Variants in RGPD8 observed in about 807,000 individuals in gnomAD.
The protein encoded by RGPD8 is RANBP2 like and GRIP domain containing 8, also known as RANBP2-like and GRIP domain-containing protein 8.
A neutral mutation model predicts 89.1 loss-of-function variants in RGPD8; 15 were observed. That is an observed-to-expected ratio of 0.17 (90% confidence interval 0.11 to 0.26). RGPD8 has a LOEUF of 0.26. Among genes scored for constraint, RGPD8 ranks in the 10% least tolerant of loss-of-function variants. The pLI is 1.00. For missense variants in RGPD8, 178 were observed against 1,179.6 expected, an observed-to-expected ratio of 0.15 and a Z score of 12.44; for synonymous variants, 62 against 420.9, an observed-to-expected ratio of 0.15 and a Z score of 10.44.
intron 4 of RGPD8, among the ~76,000 whole-genome samples, chr2:112,420,118 C>T (rs1289817798): frequency 1.4e-5 from 2 of 139,380 alleles, no homozygotes; most frequent in Admixed American, 7.7e-5. Context: ...TGCAGTGAGC[C>T]GAGGTAGCAC....
chr2:112,431,795 T>C (rs1341285553), intron 1 of RGPD8, among the ~76,000 whole-genome samples: 1 of 152,094 alleles, frequency 6.6e-6, no homozygotes, highest in African/African-American at 2.4e-5. Flanking sequence ...CGCCACCACG[T>C]CCGGCTAACT....
intron 1 of RGPD8, among the ~76,000 whole-genome samples, chr2:112,432,278 T>C (rs936339904): frequency 4.6e-5 from 7 of 152,020 alleles, no homozygotes; most frequent in Admixed American, 1.3e-4. Context: ...CTAAAAACAC[T>C]TGTGGAAAAG....
intron 9 of RGPD8, among the ~76,000 whole-genome samples, chr2:112,402,495 C>CAAGAAAAGAAAAGAA (rs552548180): frequency 0.14 from 18,889 of 139,022 alleles, 377 homozygotes; most frequent in East Asian, 0.15. Flanking sequence ...GTCTCAAAAA[C>CAAGAAAAGAAAAGAA]AAGAAAAGAA....
intron 7 of RGPD8, among the ~76,000 whole-genome samples, chr2:112,410,570 G>A (rs1294362541): frequency 3.3e-5 from 5 of 151,550 alleles, no homozygotes; most frequent in African/African-American, 1.2e-4. Flanking sequence ...GAGGTCAGAA[G>A]ATCGAGACCA....
intron 22 of RGPD8, among the ~76,000 whole-genome samples, chr2:112,371,637 G>A (rs1268436484): frequency 1.9e-5 from 1 of 53,842 alleles, no homozygotes; most frequent in Non-Finnish European, 3.6e-5. Flanking sequence ...TTAATTAAAT[G>A]TTTTGGAGAT....
intron 1 of RGPD8, among the ~76,000 whole-genome samples, chr2:112,428,200 C>T (rs1182796953): frequency 6.6e-6 from 1 of 152,222 alleles, no homozygotes; most frequent in Admixed American, 6.5e-5. Context: ...AAATGATCAA[C>T]TAAATTAAGT....
At chr2:112,408,556 C>G (rs1379331071) in intron 7 of RGPD8, among the ~76,000 whole-genome samples, 40 of 147,328 alleles carry the variant, frequency 2.7e-4, no homozygotes, top group African/African-American at 9.6e-4. Flanking sequence ...TTTTTGTTTT[C>G]AAACTGACCT....
At chr2:112,377,401 C>A (rs1311272562) in intron 22 of RGPD8, among the ~76,000 whole-genome samples, 1 of 110,846 alleles carries the variant, frequency 9.0e-6, no homozygotes, top group Non-Finnish European at 2.0e-5. Context: ...GCCTCAGCCC[C>A]CTGAGTAGCT....
intron 1 of RGPD8, among the ~76,000 whole-genome samples, chr2:112,425,115 G>A (rs1175421140): frequency 6.6e-6 from 1 of 152,070 alleles, no homozygotes; most frequent in East Asian, 1.9e-4. Context: ...AGCAAGACAA[G>A]CAGACAACAG....
intron 1 of RGPD8, among the ~76,000 whole-genome samples, chr2:112,428,995 A>G (rs1679897811): frequency 6.6e-6 from 1 of 152,092 alleles, no homozygotes; most frequent in Non-Finnish European, 1.5e-5. Flanking sequence ...AAATGCAAAA[A>G]TATTTACCTT....
At chr2:112,425,612 T>A (rs1178149824) in intron 1 of RGPD8, among the ~76,000 whole-genome samples, 1 of 151,508 alleles carries the variant, frequency 6.6e-6, no homozygotes, top group Non-Finnish European at 1.5e-5. Flanking sequence ...ATACAAAAAT[T>A]AGCTGGGCAT....
At position 112,415,210 on chromosome 2, in the gene RGPD8, C is replaced by T. The variant is rs576985820; in HGVS notation, c.782+1983G>A. Among the ~76,000 whole-genome samples the T allele has an allele frequency of 7.9e-3, 1,184 of 150,122 alleles. 3 individuals are homozygous for T. Among genetic ancestry groups the T allele is most frequent in the African/African-American group, 0.029 (1,129 of 39,480 alleles). On this transcript the variant is annotated intron_variant, in intron 6 of 22. Coordinates refer to ENST00000302558, the MANE Select transcript of RGPD8 (RefSeq NM_001164463.1). ...CATCCTGGCTAACACGGTGACACTC[C>T]GTCTCTACTAAAAATACAAAAAAAA...
At chr2:112,381,879 CA>C in intron 20 of RGPD8, among the ~76,000 whole-genome samples, 1 of 152,278 alleles carries the variant, frequency 6.6e-6, no homozygotes, top group Non-Finnish European at 1.5e-5. Context: ...TCCATTTGGA[CA>C]GTGTGATGGT....
intron 7 of RGPD8, among the ~76,000 whole-genome samples, chr2:112,408,830 C>A (rs1248889359): frequency 1.3e-5 from 2 of 151,910 alleles, no homozygotes; most frequent in African/African-American, 2.4e-5. Context: ...CGCCACCATG[C>A]GTGGCTAATT....
chr2:112,432,333 AT>A (rs577892118), intron 1 of RGPD8, among the ~76,000 whole-genome samples: 204 of 147,336 alleles, frequency 1.4e-3, no homozygotes, highest in Non-Finnish European at 2.0e-3. Flanking sequence ...GAACTTTAGA[AT>A]TTTTTTTTTT....
At chr2:112,429,841 T>C (rs1679949048) in intron 1 of RGPD8, among the ~76,000 whole-genome samples, 1 of 152,194 alleles carries the variant, frequency 6.6e-6, no homozygotes. Flanking sequence ...AGAGTCTCGC[T>C]CTGTCACACA....
intron 6 of RGPD8, among the ~76,000 whole-genome samples, chr2:112,413,072 G>A (rs1247636590): frequency 2.4e-5 from 3 of 122,790 alleles, no homozygotes; most frequent in Non-Finnish European, 4.9e-5. Flanking sequence ...TATCAATACA[G>A]CAATTGCTCT....
Position 112,427,025 on chromosome 2 carries a change from G to A in RGPD8, c.73-2718C>T, listed in dbSNP as rs547763336. On this transcript the variant is annotated intron_variant, in intron 1 of 22. Coordinates refer to ENST00000302558, the MANE Select transcript of RGPD8 (RefSeq NM_001164463.1). The stretch of plus-strand genomic sequence containing the variant: ...TTGGCCAAGATGGTGTCGATCTCTC[G>A]ACCTTGTGATCTGACTTCTTCCGCC... Among the ~76,000 whole-genome samples, 34 of 151,662 alleles carry A rather than the reference G, an allele frequency of 2.2e-4. 1 individual carries two copies. The highest frequency in any genetic ancestry group is 8.2e-4 in the African/African-American group (34 of 41,340).
At position 112,376,555 on chromosome 2, in the gene RGPD8, C is replaced by A. The variant is rs1411540236; in HGVS notation, c.5263+1498G>T. ...AAATGACTGGGCGTGGTGGCTCACACCTGTAATCCCAGCACTTTGGGAGGC... is the reference window on the plus strand; with the variant it reads ...AAATGACTGGGCGTGGTGGCTCACAACTGTAATCCCAGCACTTTGGGAGGC... On this transcript the variant is annotated intron_variant, in intron 22 of 22. Transcript: ENST00000302558. Among the ~76,000 whole-genome samples the A allele has an allele frequency of 1.6e-5, 2 of 121,318 alleles. 1 individual carries two copies. The highest frequency in any genetic ancestry group is 5.7e-5 in the African/African-American group (2 of 35,298). The allele number at this position is 121,318 out of a possible 152,430, so 79.6% of individuals were successfully genotyped here. A position where few individuals can be genotyped will look rare whatever the true frequency, so the allele number is the denominator to read the frequency against.
Sources: gnomAD v4.1 joint callset for allele counts (sites outside exome capture counted in the v4.1 genomes callset) on GRCh38, gnomAD v4.1.1 for gene constraint, MANE v1.5 for transcripts, NCBI Gene and HGNC (gene_info 2026-07-23, HGNC 2026-07-21) for gene names.